The following AEBP2 variants were observed in gnomAD, a reference collection of about 807,000 sequenced individuals.
The protein encoded by AEBP2 is zinc finger protein AEBP2.
AEBP2 carries 10 observed loss-of-function variants against 50.8 expected under a neutral mutation model. The ratio of observed to expected loss-of-function variants is 0.20; its 90% CI spans 0.12 to 0.33. The LOEUF (loss-of-function observed/expected upper bound fraction) is 0.33, where lower values mean the gene tolerates loss of function less well. Ranked by LOEUF, AEBP2 falls within the 10% of genes least tolerant of loss-of-function variation. The probability of loss-of-function intolerance (pLI) is 1.00; values close to 1 mark genes in which losing one functional copy is unlikely to be tolerated. For synonymous variants in AEBP2, 296 were observed against 261.3 expected, an observed-to-expected ratio of 1.13 and a Z score of -1.28; for missense variants, 570 against 688.0, an observed-to-expected ratio of 0.83 and a Z score of 1.92.
At chr12:19,428,396 T>C (rs2095749678) in intron 1 of AEBP2, among the ~76,000 whole-genome samples, 1 of 152,232 alleles carries the variant, frequency 6.6e-6, no homozygotes. Context: ...ATGGTATGCA[T>C]GGCTGAGGTT....
intron 1 of AEBP2, among the ~76,000 whole-genome samples, chr12:19,429,523 T>C (rs905529495): frequency 6.6e-6 from 1 of 152,200 alleles, no homozygotes; most frequent in Non-Finnish European, 1.5e-5. Context: ...AAATGGTATT[T>C]CTAGTTCTAG....
intron 1 of AEBP2, among the ~76,000 whole-genome samples, chr12:19,429,191 T>C (rs1453396004): frequency 3.3e-5 from 5 of 152,170 alleles, no homozygotes; most frequent in Non-Finnish European, 5.9e-5. Flanking sequence ...TGTGTTCTCA[T>C]TGTTCAATTC....
intron 1 of AEBP2, among the ~76,000 whole-genome samples, chr12:19,450,838 G>T (rs1948155615): frequency 8.7e-6 from 1 of 114,354 alleles, no homozygotes; most frequent in African/African-American, 3.2e-5. Flanking sequence ...GTGAGACATT[G>T]TCTCAAAAAA....
At chr12:19,485,761 T>G (rs1300491199) in intron 3 of AEBP2, among the ~76,000 whole-genome samples, 1 of 150,878 alleles carries the variant, frequency 6.6e-6, no homozygotes, top group Non-Finnish European at 1.5e-5. Flanking sequence ...ACTTGTAGTC[T>G]CTGGGTTTAT....
Position 19,521,592 on chromosome 12 carries a change from T to C in AEBP2, c.*3475T>C, listed in dbSNP as rs968048649. ...AGTGGACACATGTTACTTCTGAATT[T>C]CACATGAAAGGAAATTAAAGATGGA... On this transcript the variant is annotated 3_prime_UTR_variant, in exon 8 of 8. Coordinates refer to ENST00000266508, the MANE Select transcript of AEBP2 (RefSeq NM_153207.5). 1.3e-5 allele frequency: 2 copies of C among 152,122 alleles called. No homozygotes were observed. Among genetic ancestry groups the C allele is most frequent in the African/African-American group, 4.8e-5 (2 of 41,458 alleles). The allele number at this position is 152,122 out of a possible 1,614,324, so 9.4% of individuals were successfully genotyped here. A position where few individuals can be genotyped will look rare whatever the true frequency, so the allele number is the denominator to read the frequency against.
intron 1 of AEBP2, among the ~76,000 whole-genome samples, chr12:19,442,998 A>G (rs1210375755): frequency 1.3e-5 from 2 of 152,170 alleles, no homozygotes; most frequent in Non-Finnish European, 2.9e-5. Context: ...CAAAGATTCT[A>G]TTATAATGCC....
At chr12:19,463,934 G>A (rs762753822) in intron 2 of AEBP2, among the ~76,000 whole-genome samples, 66 of 152,208 alleles carry the variant, frequency 4.3e-4, no homozygotes, top group Middle Eastern at 6.8e-3. Context: ...CCAGAGTGCT[G>A]GGATTACAGG....
intron 2 of AEBP2, among the ~76,000 whole-genome samples, chr12:19,471,356 A>G (rs1039718126): frequency 1.3e-5 from 2 of 151,908 alleles, no homozygotes; most frequent in African/African-American, 4.8e-5. Flanking sequence ...GGCTCAAGCA[A>G]TCCTCCTGCC....
Position 19,520,347 on chromosome 12 carries a change from C to G in AEBP2, c.*2230C>G, listed in dbSNP as rs917264573. ...TCATTGTGTAGAAATACTTAGATGT[C>G]AAAACCAGATTTCGTGATCCTTGAT... is the stretch of plus-strand genomic sequence containing the variant. On this transcript the variant is annotated 3_prime_UTR_variant, in exon 8 of 8. Transcript: ENST00000266508. 1.3e-5 allele frequency: 2 copies of G among 152,128 alleles called. No homozygotes were observed. The highest frequency in any genetic ancestry group is 2.9e-5 in the Non-Finnish European group (2 of 68,008). 9.4% of individuals were successfully genotyped at this position (152,128 alleles called of 1,614,324 possible). A position where few individuals can be genotyped will look rare whatever the true frequency, so the allele number is the denominator to read the frequency against.
rs770489307 is a variant in AEBP2 at position 19,494,945 on chromosome 12, C to T, written c.1174+959C>T. On this transcript the variant is annotated intron_variant, in intron 4 of 7. Coordinates refer to ENST00000266508, the MANE Select transcript of AEBP2 (RefSeq NM_153207.5). ...TTTTTTTGATGGGGTCTCACACTGT[C>T]GCCCAGGCTGGAGCGCAGTGGTGTG... is the stretch of plus-strand genomic sequence containing the variant. Among the ~76,000 whole-genome samples the T allele has an allele frequency of 4.7e-4, 72 of 152,158 alleles. 1 individual carries two copies. The highest frequency in any genetic ancestry group is 1.2e-3 in the African/African-American group (49 of 41,508).
chr12:19,421,305 C>T (rs1401996442), intron 1 of AEBP2, among the ~76,000 whole-genome samples: 4 of 131,676 alleles, frequency 3.0e-5, no homozygotes, highest in Non-Finnish European at 6.2e-5. Context: ...GATTGCACTA[C>T]TGTACTCCCC....
chr12:19,472,836 T>C (rs1948591110), intron 2 of AEBP2, among the ~76,000 whole-genome samples: 1 of 152,072 alleles, frequency 6.6e-6, no homozygotes, highest in Admixed American at 6.6e-5. Context: ...TTTTATACCT[T>C]TAAAAAGGTA....
In AEBP2 at chr12:19,519,572, A is replaced by G. The variant is rs984615897; in HGVS notation, c.*1455A>G. 3.3e-5 allele frequency: 5 copies of G among 152,634 alleles called. No homozygotes were observed. Among genetic ancestry groups the G allele is most frequent in the African/African-American group, 1.2e-4 (5 of 41,476 alleles). 9.5% of individuals were successfully genotyped at this position (152,634 alleles called of 1,614,324 possible). ...AGGACATTGTAAAGTATGTGGTTAT[A>G]TGCAGTGAAACTGCAGAAAATACTC... On this transcript the variant is annotated 3_prime_UTR_variant, in exon 8 of 8. Coordinates refer to ENST00000266508, the MANE Select transcript of AEBP2 (RefSeq NM_153207.5).
chr12:19,417,353 T>G (rs2095743176), intron 1 of AEBP2, among the ~76,000 whole-genome samples: 1 of 152,166 alleles, frequency 6.6e-6, no homozygotes, highest in Admixed American at 6.6e-5. Flanking sequence ...AAAAGAATCA[T>G]TCTGTATATA....
intron 1 of AEBP2, among the ~76,000 whole-genome samples, chr12:19,416,524 G>T (rs955125955): frequency 2.4e-4 from 37 of 152,010 alleles, no homozygotes; most frequent in African/African-American, 8.7e-4. Context: ...TCCTGCCTCA[G>T]GCTCCCGAGT....
chr12:19,500,305 C>A (rs1949048782), intron 5 of AEBP2, 84 bp downstream of exon 5: 1 of 1,239,826 alleles, frequency 8.1e-7, no homozygotes, highest in Non-Finnish European at 1.1e-6. Context: ...CTCTCAAAAT[C>A]TAAGAAAGTA....
chr12:19,457,412 T>A, intron 1 of AEBP2: 1 of 1,489,068 alleles, frequency 6.7e-7, no homozygotes, highest in East Asian at 2.3e-5. Context: ...TGTTCTCAAA[T>A]TTCCACAAGG....
At chr12:19,475,609 TC>T (rs1451776764) in intron 3 of AEBP2, among the ~76,000 whole-genome samples, 3 of 152,108 alleles carry the variant, frequency 2.0e-5, no homozygotes, top group African/African-American at 7.2e-5. Flanking sequence ...ATAGTGACAA[TC>T]CCAGTAGTGG....
chr12:19,514,494 C>G (rs1346784957), intron 6 of AEBP2, among the ~76,000 whole-genome samples, 177 bp from the exon 7 acceptor site: 2 of 152,170 alleles, frequency 1.3e-5, no homozygotes, highest in South Asian at 2.1e-4. Flanking sequence ...CATTTCTTAT[C>G]TGGGACTCCA....
Sources: gnomAD v4.1 joint callset for allele counts (sites outside exome capture counted in the v4.1 genomes callset) on GRCh38, gnomAD v4.1.1 for gene constraint, MANE v1.5 for transcripts, NCBI Gene and HGNC (gene_info 2026-07-23, HGNC 2026-07-21) for gene names.